KCNH1: variants seen among roughly 807,000 people sequenced by gnomAD.
The protein encoded by KCNH1 is voltage-gated delayed rectifier potassium channel KCNH1.
Under a neutral mutation model 69.2 loss-of-function variants are expected in KCNH1, and 27 were observed. That is an observed-to-expected ratio of 0.39 (90% confidence interval 0.29 to 0.54). The LOEUF is 0.54. KCNH1 is among the 20% of genes least tolerant of loss of function. KCNH1 has a pLI of 0.68. For missense variants in KCNH1, 798 were observed against 1,261.6 expected, an observed-to-expected ratio of 0.63 and a Z score of 5.57; for synonymous variants, 456 against 487.7, an observed-to-expected ratio of 0.93 and a Z score of 0.86.
Position 210,860,663 on chromosome 1 carries a change from T to C in KCNH1, c.1463-56497A>G, listed in dbSNP as rs538306735. The C allele has an allele frequency of 7.2e-5, 56 of 777,966 alleles. No individual in the cohort carries two copies. In the African/African-American group the frequency reaches 9.2e-4, roughly 13 times the overall value. 48.2% of individuals were successfully genotyped at this position (777,966 alleles called of 1,614,324 possible). A position where few individuals can be genotyped will look rare whatever the true frequency, so the allele number is the denominator to read the frequency against. ...TGAAGAAGAGCCTGCATTACAGGTC[T>C]GATAAATGCTGTGATACATTCTTTA... On this transcript the variant is annotated intron_variant, in intron 7 of 10. Transcript: ENST00000271751.
chr1:211,104,455 G>T (rs998567757), intron 2 of KCNH1, among the ~76,000 whole-genome samples: 1 of 152,066 alleles, frequency 6.6e-6, no homozygotes, highest in Non-Finnish European at 1.5e-5. Flanking sequence ...AGGTCTACCT[G>T]CTAACACTAG....
At chr1:210,843,726 G>C (rs1305352850) in intron 7 of KCNH1, among the ~76,000 whole-genome samples, 1 of 152,178 alleles carries the variant, frequency 6.6e-6, no homozygotes, top group Non-Finnish European at 1.5e-5. Flanking sequence ...ACTGTCAGAG[G>C]TTGAGGGCAA....
At chr1:211,002,045 G>A (rs1183134960) in intron 6 of KCNH1, among the ~76,000 whole-genome samples, 1 of 151,852 alleles carries the variant, frequency 6.6e-6, no homozygotes, top group Non-Finnish European at 1.5e-5. Context: ...ATAGCATTAG[G>A]AGATATACCT....
chr1:210,989,515 C>T (rs937296646), intron 6 of KCNH1, among the ~76,000 whole-genome samples: 4 of 152,172 alleles, frequency 2.6e-5, no homozygotes, highest in African/African-American at 9.7e-5. Flanking sequence ...GGCATACCCT[C>T]TAAAATAGGG....
In KCNH1 at chr1:211,002,116, C is replaced by G. The variant is rs542549613; in HGVS notation, c.1032+16667G>C. Among the ~76,000 whole-genome samples the G allele has an allele frequency of 9.2e-5, 14 of 152,044 alleles. No individual in the cohort carries two copies. In the East Asian group the frequency reaches 2.7e-3, roughly 29 times the overall value. On this transcript the variant is annotated intron_variant, in intron 6 of 10. Coordinates refer to ENST00000271751, the MANE Select transcript of KCNH1 (RefSeq NM_172362.3). The stretch of plus-strand genomic sequence containing the variant: ...ACATGGCACATGTACACGTATGTAA[C>G]AAACCTGCACGTTGTGCACATGTAC...
At chr1:210,932,844 C>G (rs144979868) in intron 6 of KCNH1, among the ~76,000 whole-genome samples, 5 of 152,140 alleles carry the variant, frequency 3.3e-5, no homozygotes, top group Non-Finnish European at 7.4e-5. Flanking sequence ...AACACTGGAG[C>G]TCTCAGATAT....
rs1553359772 is a variant in KCNH1 at position 210,917,275 on chromosome 1, GAAAGA to G, written c.1462+2360_1462+2364del. On this transcript the variant is annotated intron_variant, in intron 7 of 10. Coordinates refer to ENST00000271751, the MANE Select transcript of KCNH1 (RefSeq NM_172362.3). ...AGAAAGAAAGAAAGAAAGAAAGAAA[GAAAGA>G]AAAGAAAAGAAAGAGAAACACAGAG... Among the ~76,000 whole-genome samples, 254 of 142,974 alleles carry G rather than the reference GAAAGA, an allele frequency of 1.8e-3. 1 individual carries two copies. Among genetic ancestry groups the G allele is most frequent in the African/African-American group, 6.4e-3 (242 of 37,552 alleles). 93.8% of individuals were successfully genotyped at this position (142,974 alleles called of 152,430 possible). A position where few individuals can be genotyped will look rare whatever the true frequency, so the allele number is the denominator to read the frequency against.
At position 210,995,130 on chromosome 1, in the gene KCNH1, A is replaced by C. The variant is rs183360104; in HGVS notation, c.1032+23653T>G. Among the ~76,000 whole-genome samples the C allele has an allele frequency of 2.6e-3, 399 of 152,344 alleles. 5 individuals carry two copies. Among genetic ancestry groups the C allele is most frequent in the Middle Eastern group, 3.4e-3 (1 of 294 alleles). ...ATATTCCTTCCATTCTCTTACACAGAGAGGTGACAATATCACACAATTCTG... is the reference window on the plus strand; with the variant it reads ...ATATTCCTTCCATTCTCTTACACAGCGAGGTGACAATATCACACAATTCTG... On this transcript the variant is annotated intron_variant, in intron 6 of 10. Coordinates refer to ENST00000271751, the MANE Select transcript of KCNH1 (RefSeq NM_172362.3).
intron 6 of KCNH1, among the ~76,000 whole-genome samples, chr1:211,004,072 C>T (rs967670091): frequency 7.3e-5 from 11 of 151,654 alleles, no homozygotes; most frequent in East Asian, 3.9e-4. Flanking sequence ...CCTGCCTGGG[C>T]GACAGCGAGA....
At position 211,056,391 on chromosome 1, in the gene KCNH1, A is replaced by T. The variant is rs147743529; in HGVS notation, c.558+26389T>A. 8.5e-5 allele frequency among the ~76,000 whole-genome samples: 13 copies of T among 152,260 alleles called. No homozygotes were observed. In the South Asian group the frequency reaches 1.7e-3, roughly 19 times the overall value. On this transcript the variant is annotated intron_variant, in intron 5 of 10. Coordinates refer to ENST00000271751, the MANE Select transcript of KCNH1 (RefSeq NM_172362.3). ...TACAATAGAATAAAGCACCAGGTAG[A>T]TACCTAAGGTTCATGACTCCGGGCC...
chr1:210,877,910 T>C (rs1040749906), intron 7 of KCNH1, among the ~76,000 whole-genome samples: 23 of 152,280 alleles, frequency 1.5e-4, no homozygotes, highest in African/African-American at 4.8e-4. Flanking sequence ...AAGTCAAACA[T>C]AGATGCAAGA....
intron 5 of KCNH1, among the ~76,000 whole-genome samples, chr1:211,048,382 T>C (rs1421316192): frequency 6.6e-6 from 1 of 152,160 alleles, no homozygotes; most frequent in Non-Finnish European, 1.5e-5. Flanking sequence ...CACTTGCACA[T>C]GCATGTTTAC....
At chr1:210,916,782 G>A (rs1398402086) in intron 7 of KCNH1, among the ~76,000 whole-genome samples, 2 of 152,130 alleles carry the variant, frequency 1.3e-5, no homozygotes, top group African/African-American at 2.4e-5. Flanking sequence ...GGTGTTAAGT[G>A]GACTTGCTTA....
chr1:210,920,791 A>G (rs891773236), intron 6 of KCNH1, among the ~76,000 whole-genome samples: 8 of 152,250 alleles, frequency 5.3e-5, no homozygotes, highest in Admixed American at 1.3e-4. Flanking sequence ...TTAGAAGGCC[A>G]TATCACTTCT....
chr1:211,019,841 A>G (rs1041804430), intron 5 of KCNH1, among the ~76,000 whole-genome samples: 2 of 152,228 alleles, frequency 1.3e-5, no homozygotes, highest in African/African-American at 4.8e-5. Flanking sequence ...TAGAAATCAA[A>G]ACATGTGGAA....
chr1:211,016,778 A>C (rs1213632435), intron 6 of KCNH1, among the ~76,000 whole-genome samples: 1 of 151,488 alleles, frequency 6.6e-6, no homozygotes, highest in South Asian at 2.1e-4. Context: ...GCACAGTGAC[A>C]CGTGCCTATA....
At chr1:210,827,394 G>A in intron 7 of KCNH1, among the ~76,000 whole-genome samples, 1 of 152,062 alleles carries the variant, frequency 6.6e-6, no homozygotes. Context: ...TTATGACTAT[G>A]TATTCTCTCC....
intron 10 of KCNH1, among the ~76,000 whole-genome samples, chr1:210,744,062 G>C (rs144994166): frequency 1.3e-5 from 2 of 152,160 alleles, no homozygotes; most frequent in Non-Finnish European, 2.9e-5. Context: ...GATCCAGCCT[G>C]CCTGTGCCTT....
intron 5 of KCNH1, among the ~76,000 whole-genome samples, chr1:211,032,184 C>T (rs981507882): frequency 2.6e-5 from 4 of 152,060 alleles, no homozygotes; most frequent in Non-Finnish European, 5.9e-5. Context: ...GAATAAAATA[C>T]CTAGGAATAC....
Sources: gnomAD v4.1 joint callset for allele counts (sites outside exome capture counted in the v4.1 genomes callset) on GRCh38, gnomAD v4.1.1 for gene constraint, MANE v1.5 for transcripts, NCBI Gene and HGNC (gene_info 2026-07-23, HGNC 2026-07-21) for gene names.